Variants in BCORL1 observed in about 807,000 individuals in gnomAD.
BCORL1 encodes BCL-6 corepressor-like protein 1.
A neutral mutation model predicts 87.6 loss-of-function variants in BCORL1; 7 were observed. That is an observed-to-expected ratio of 0.08 (90% CI 0.05 to 0.15). The LOEUF (loss-of-function observed/expected upper bound fraction) is 0.15. Among genes scored for constraint, BCORL1 ranks in the 10% least tolerant of loss-of-function variants. The probability of loss-of-function intolerance (pLI) is 1.00; values close to 1 mark genes in which losing one functional copy is unlikely to be tolerated. For missense variants in BCORL1, 1,215 were observed against 1,499.7 expected, an observed-to-expected ratio of 0.81 and a Z score of 3.13; for synonymous variants, 591 against 634.4, an observed-to-expected ratio of 0.93 and a Z score of 1.03.
chrX:129,989,444 CTTTTTTTTTTTTTTTTTT>C (rs55654985), intron 1 of BCORL1, among the ~76,000 whole-genome samples: 14 of 17,757 alleles, frequency 7.9e-4, no homozygotes, highest in African/African-American at 2.1e-3. Context: ...CCGCACCCGT[CTTTTTTTTTTTTTTTTTT>C]TTTTTTTTTT....
chrX:129,990,903 G>A (rs1927085815), intron 1 of BCORL1, among the ~76,000 whole-genome samples: 1 of 111,168 alleles, frequency 9.0e-6, no homozygotes. Flanking sequence ...AAGGGCTGTT[G>A]TGTTTATTTA....
At chrX:130,023,104 C>T (rs1198673309) in intron 6 of BCORL1, 127 bp downstream of exon 6, 1 of 581,294 alleles carries the variant, frequency 1.7e-6, no homozygotes, top group Admixed American at 2.7e-5. Flanking sequence ...TGCCACAATG[C>T]CCAGCTCCTT....
chrX:130,010,693 G>C (rs1176903293), intron 2 of BCORL1: 1 of 110,383 alleles, frequency 9.1e-6, no homozygotes, highest in African/African-American at 3.3e-5. Context: ...GTTTCAGTGG[G>C]AGGGAGGAAG....
In BCORL1 at chrX:129,982,673, CTG is replaced by C. The variant is rs1471261539; in HGVS notation, c.-132_-131del. The C allele has an allele frequency of 1.8e-5, 2 of 111,571 alleles. No homozygotes were observed. Among genetic ancestry groups the C allele is most frequent in the African/African-American group, 6.5e-5 (2 of 30,580 alleles). The allele number at this position is 111,571 out of a possible 1,213,427, so 9.2% of individuals were successfully genotyped here. A position where few individuals can be genotyped will look rare whatever the true frequency, so the allele number is the denominator to read the frequency against. ...CCGCGGCTGCTGCCAGTGTGTGGCT[CTG>C]TCTCTCCTCCGCTTTGCTGAGCCCT... is the stretch of plus-strand genomic sequence containing the variant. On this transcript the variant is annotated 5_prime_UTR_variant, in exon 1 of 14. Coordinates refer to ENST00000540052, the MANE Select transcript of BCORL1 (RefSeq NM_001379451.1).
At chrX:130,008,356 C>T (rs965779123) in intron 2 of BCORL1, among the ~76,000 whole-genome samples, 1 of 109,998 alleles carries the variant, frequency 9.1e-6, no homozygotes, top group Non-Finnish European at 1.9e-5. Context: ...CTCCGCCTCC[C>T]GGGTTCAAAC....
Position 130,025,059 on chromosome X carries a change from A to T in BCORL1, c.3758A>T (p.Glu1253Val), listed in dbSNP as rs749785490. 40 of 1,210,645 alleles carry T rather than the reference A, an allele frequency of 3.3e-5. No homozygotes were observed. Among genetic ancestry groups the T allele is most frequent in the Non-Finnish European group, 3.5e-5 (31 of 894,396 alleles). Reference sequence around the variant, plus strand: ...GGAAGCCAGGAAGTCTTCCCCACAGAAGAAGAAGAGGAGGTAACCCCCACC... The same window carrying T: ...GGAAGCCAGGAAGTCTTCCCCACAGTAGAAGAAGAGGAGGTAACCCCCACC... The part of the protein sequence containing the change: ...DMGSQEVFPT[E>V]EEEEVTPTPA... The change falls in exon 7 of 14, where the codon GAA (glutamate) becomes GTA (valine). Residue 1253 changes from glutamate (E) to valine (V), a missense_variant. Physicochemically the swap from Glu to Val is moderately radical, Grantham distance 121. Coordinates refer to ENST00000540052, the MANE Select transcript of BCORL1 (RefSeq NM_001379451.1).
At chrX:129,997,794 C>CAAAA (rs1229437098) in intron 1 of BCORL1, among the ~76,000 whole-genome samples, 4 of 28,966 alleles carry the variant, frequency 1.4e-4, no homozygotes, top group African/African-American at 3.9e-4. Flanking sequence ...TCCGACTCAC[C>CAAAA]AAAAAAAAAA....
chrX:130,018,471 TTAA>T (rs1320785056), intron 4 of BCORL1, among the ~76,000 whole-genome samples: 2 of 112,729 alleles, frequency 1.8e-5, no homozygotes, highest in African/African-American at 6.4e-5. Flanking sequence ...ATGGTATGTC[TTAA>T]TAAATTGTAT....
At chrX:130,006,342 C>G (rs904296696) in intron 2 of BCORL1, among the ~76,000 whole-genome samples, 3 of 110,035 alleles carry the variant, frequency 2.7e-5, no homozygotes, top group Non-Finnish European at 5.7e-5. Context: ...TGTGTGATGG[C>G]TGCAGTGCCT....
Position 130,021,223 on chromosome X carries a change from G to C in BCORL1, c.3607+73G>C. The C allele has an allele frequency of 3.5e-6, 4 of 1,129,671 alleles. No individual in the cohort carries two copies. In the South Asian group the frequency reaches 8.8e-5, roughly 25 times the overall value. The allele number at this position is 1,129,671 out of a possible 1,213,427, so 93.1% of individuals were successfully genotyped here. ...CCAGGGCACAGTGGTGAGGGCAGAG[G>C]GGCTCAGGCGCTGACTCCTTCACTC... On this transcript the variant is annotated intron_variant, in intron 5 of 13. Transcript: ENST00000540052.
intron 12 of BCORL1, among the ~76,000 whole-genome samples, chrX:130,051,226 C>T (rs927798823): frequency 1.8e-5 from 2 of 112,604 alleles, no homozygotes; most frequent in Admixed American, 9.4e-5. Flanking sequence ...CTACTGTCTT[C>T]GGAGCCCTTA....
At chrX:129,983,103 C>T (rs1354429817) in intron 1 of BCORL1, among the ~76,000 whole-genome samples, 3 of 111,222 alleles carry the variant, frequency 2.7e-5, no homozygotes, top group African/African-American at 9.8e-5. Context: ...TCGCCCCTCC[C>T]TTCGGGACAG....
intron 9 of BCORL1, among the ~76,000 whole-genome samples, chrX:130,036,835 T>C (rs1323071916): frequency 2.7e-5 from 3 of 110,550 alleles, no homozygotes; most frequent in Non-Finnish European, 5.7e-5. Context: ...CCCAGATGAG[T>C]GTCCTTGGCC....
chrX:130,003,758 A>C (rs918299463), intron 1 of BCORL1, among the ~76,000 whole-genome samples: 2 of 112,036 alleles, frequency 1.8e-5, no homozygotes, highest in African/African-American at 6.5e-5. Context: ...TGTCCATGTC[A>C]TCCCCCTGGG....
At chrX:130,034,706 G>A (rs369727574) in intron 9 of BCORL1, 30 bp downstream of exon 9, 14 of 934,426 alleles carry the variant, frequency 1.5e-5, no homozygotes, top group Middle Eastern at 6.9e-4. Flanking sequence ...ACCACAGGGC[G>A]CCGTTGGTCT....
intron 11 of BCORL1, among the ~76,000 whole-genome samples, chrX:130,043,782 ATATTTTT>A (rs1194165392): frequency 3.0e-4 from 6 of 20,170 alleles, no homozygotes; most frequent in Non-Finnish European, 4.4e-4. Flanking sequence ...ATATATATAT[ATATTTTT>A]TTTTTTTTTT....
intron 1 of BCORL1, among the ~76,000 whole-genome samples, chrX:129,991,269 A>C (rs2124335290): frequency 9.0e-6 from 1 of 110,996 alleles, no homozygotes; most frequent in South Asian, 3.8e-4. Context: ...GGCACCCACC[A>C]CCACGCCTGG....
In BCORL1 at chrX:130,016,204, C is replaced by T. The variant is rs767128844; in HGVS notation, c.3432C>T (p.His1144=). 7 of 1,199,778 alleles carry T rather than the reference C, an allele frequency of 5.8e-6. No homozygotes were observed. The Admixed American group carries it at 9.1e-5, about 16-fold the overall frequency. The change falls in exon 4 of 14, where the codon CAC becomes CAT. Residue 1144 remains histidine, a synonymous_variant. Transcript: ENST00000540052. ...PQAKAVVRSS[H]RPKCRKLPSD... is the part of the protein sequence containing the mutation. ...CCAAGGCCGTGGTCCGGAGTTCCCA[C>T]AGACCCAAGGTGAGTGCTGAGCTAA...
intron 1 of BCORL1, among the ~76,000 whole-genome samples, chrX:129,990,870 T>C (rs1927082111): frequency 8.9e-6 from 1 of 111,853 alleles, no homozygotes; most frequent in African/African-American, 3.3e-5. Context: ...GGGTGACATT[T>C]TTAAAAACCA....
Sources: gnomAD v4.1 joint callset for allele counts (sites outside exome capture counted in the v4.1 genomes callset) on GRCh38, gnomAD v4.1.1 for gene constraint, MANE v1.5 for transcripts, NCBI Gene and HGNC (gene_info 2026-07-23, HGNC 2026-07-21) for gene names.